ATP13A4: variants seen among roughly 807,000 people sequenced by gnomAD.
ATP13A4 encodes ATPase 13A4, also known as probable cation-transporting ATPase 13A4.
A neutral mutation model predicts 142.5 loss-of-function variants in ATP13A4; 114 were observed. That is an observed-to-expected ratio of 0.80 (90% CI 0.69 to 0.93). The LOEUF (loss-of-function observed/expected upper bound fraction) is 0.93. ATP13A4 is among the 40% of genes least tolerant of loss of function. The pLI is 0.00. For missense variants in ATP13A4, 1,392 were observed against 1,454.0 expected, an observed-to-expected ratio of 0.96 and a Z score of 0.69; for synonymous variants, 488 against 514.8, an observed-to-expected ratio of 0.95 and a Z score of 0.70.
intron 3 of ATP13A4, among the ~76,000 whole-genome samples, chr3:193,494,291 C>T (rs1009441169): frequency 3.3e-5 from 5 of 152,038 alleles, no homozygotes; most frequent in Admixed American, 3.3e-4. Context: ...CTAATAGACA[C>T]TTACAGAACA....
chr3:193,484,107 G>T, intron 7 of ATP13A4, 102 bp from the exon 8 acceptor site: 1 of 993,544 alleles, frequency 1.0e-6, no homozygotes. Flanking sequence ...CTGTCTTACT[G>T]CCAGTTGAAT....
intron 5 of ATP13A4, among the ~76,000 whole-genome samples, chr3:193,492,701 G>A (rs1219341067): frequency 6.6e-6 from 1 of 152,084 alleles, no homozygotes; most frequent in Non-Finnish European, 1.5e-5. Flanking sequence ...CATTTGTTGT[G>A]TGGAAATGGT....
intron 1 of ATP13A4, among the ~76,000 whole-genome samples, chr3:193,527,732 C>T (rs2108698352): frequency 6.6e-6 from 1 of 152,206 alleles, no homozygotes; most frequent in Non-Finnish European, 1.5e-5. Flanking sequence ...CCTCCCCAGC[C>T]ATGTGGAGCT....
chr3:193,578,969 A>G, intron 2 of ATP13A4: 1 of 214,678 alleles, frequency 4.7e-6, no homozygotes, highest in Non-Finnish European at 9.9e-6. Flanking sequence ...GTCAACTCCA[A>G]CAATTAGTTT....
chr3:193,506,045 T>TG (rs1720845091), intron 2 of ATP13A4, among the ~76,000 whole-genome samples: 2 of 152,214 alleles, frequency 1.3e-5, no homozygotes, highest in South Asian at 4.1e-4. Context: ...TATGGCTCTG[T>TG]GCCTCATTTT....
In ATP13A4 at chr3:193,452,760, T is replaced by G. The variant is rs150379275; in HGVS notation, c.2027+1341A>C. On this transcript the variant is annotated intron_variant, in intron 17 of 29. Transcript: ENST00000342695. ...TTATACTGTATATATTTTACTATTA[T>G]TATAGAATATACTGTACTATTATTA... 2.1e-3 allele frequency among the ~76,000 whole-genome samples: 302 copies of G among 143,426 alleles called. 1 individual carries two copies. Among genetic ancestry groups the G allele is most frequent in the African/African-American group, 7.6e-3 (295 of 38,848 alleles). The allele number at this position is 143,426 out of a possible 152,430, so 94.1% of individuals were successfully genotyped here.
chr3:193,408,840 C>T (rs1432480080), intron 28 of ATP13A4, among the ~76,000 whole-genome samples: 2 of 152,176 alleles, frequency 1.3e-5, no homozygotes, highest in Non-Finnish European at 2.9e-5. Context: ...GATGCCTCTC[C>T]CCACTTCCTC....
At chr3:193,554,640 T>C in intron 1 of ATP13A4, 100 bp downstream of exon 1, 2 of 1,416,392 alleles carry the variant, frequency 1.4e-6, no homozygotes, top group Non-Finnish European at 2.0e-6. Context: ...AGTCTGTGTG[T>C]GTGTGATGCG....
chr3:193,467,260 A>G, intron 10 of ATP13A4, 56 bp downstream of exon 10: 1 of 1,583,470 alleles, frequency 6.3e-7, no homozygotes, highest in Non-Finnish European at 8.7e-7. Context: ...TTAAGGCACT[A>G]GACAAACTGG....
chr3:193,546,536 T>C (rs1723237099), intron 1 of ATP13A4, among the ~76,000 whole-genome samples: 1 of 152,190 alleles, frequency 6.6e-6, no homozygotes, highest in East Asian at 1.9e-4. Flanking sequence ...TTTGGTAACA[T>C]TATCTCCACC....
chr3:193,404,962 C>T (rs1412949212), intron 29 of ATP13A4, among the ~76,000 whole-genome samples: 1 of 152,112 alleles, frequency 6.6e-6, no homozygotes, highest in Non-Finnish European at 1.5e-5. Flanking sequence ...AAGGTGGGGG[C>T]AATTAAAGCT....
Position 193,399,601 on chromosome 3 carries a change from C to A in ATP13A4, c.*3051G>T, listed in dbSNP as rs1714197938. The stretch of plus-strand genomic sequence containing the variant: ...TGGTGGCTCATGTCTGTAATCCCGG[C>A]ACTTTGGGAGGCCGAGGCGGGCGGA... On this transcript the variant is annotated 3_prime_UTR_variant, in exon 30 of 30. Coordinates refer to ENST00000342695, the MANE Select transcript of ATP13A4 (RefSeq NM_032279.4). Among the ~76,000 whole-genome samples, 1 of 152,106 alleles carries A rather than the reference C, an allele frequency of 6.6e-6. No homozygotes were observed. The highest frequency in any genetic ancestry group is 2.4e-5 in the African/African-American group (1 of 41,410).
intron 26 of ATP13A4, among the ~76,000 whole-genome samples, chr3:193,413,512 T>C (rs1004644831): frequency 2.6e-5 from 4 of 152,200 alleles, no homozygotes; most frequent in African/African-American, 9.7e-5. Context: ...AGCCTATAAA[T>C]GGACATGCAA....
intron 8 of ATP13A4, among the ~76,000 whole-genome samples, chr3:193,483,467 G>A (rs1010285682): frequency 3.3e-5 from 5 of 151,996 alleles, no homozygotes; most frequent in African/African-American, 1.2e-4. Context: ...TGTTTGTTTT[G>A]TTTTGTTTTG....
intron 1 of ATP13A4, among the ~76,000 whole-genome samples, chr3:193,550,115 A>T (rs1470829276): frequency 2.6e-5 from 4 of 152,176 alleles, no homozygotes; most frequent in Non-Finnish European, 5.9e-5. Context: ...AAATAGCACC[A>T]ACATTATTTA....
intron 2 of ATP13A4, among the ~76,000 whole-genome samples, chr3:193,577,181 T>C (rs1008085508): frequency 6.6e-6 from 1 of 152,232 alleles, no homozygotes; most frequent in East Asian, 1.9e-4. Flanking sequence ...TTATGGTGCT[T>C]TCCTTCAAAG....
intron 1 of ATP13A4, among the ~76,000 whole-genome samples, chr3:193,520,688 CA>C (rs981333648): frequency 2.5e-4 from 38 of 150,364 alleles, no homozygotes; most frequent in African/African-American, 8.8e-4. Flanking sequence ...TACTACTTTG[CA>C]AAAAAAAATT....
intron 2 of ATP13A4, among the ~76,000 whole-genome samples, chr3:193,510,442 T>G (rs1189667277): frequency 6.6e-6 from 1 of 152,192 alleles, no homozygotes; most frequent in Non-Finnish European, 1.5e-5. Context: ...GGGGAAAATG[T>G]GTTTGTAATT....
At position 193,489,856 on chromosome 3, in the gene ATP13A4, A is replaced by T; in HGVS notation, c.612T>A (p.Asn204Lys). The change falls in exon 7 of 30, where the codon AAT becomes AAA. Residue 204 changes from asparagine (N) to lysine (K), a missense_variant. By Grantham distance (94) the Asn-to-Lys change is moderately conservative. Transcript: ENST00000342695. The stretch of plus-strand genomic sequence containing the variant: ...TGAAGAGTTGAAATATATAAAATGG[A>T]TTTAGAACCTGTTGGCAGACATAAA... Reference protein sequence around the residue: ...IWKLLIKEVLNPFYIFQLFSV... With the variant: ...IWKLLIKEVLKPFYIFQLFSV... The T allele has an allele frequency of 6.2e-7, 1 of 1,613,010 alleles. No individual in the cohort carries two copies. Among genetic ancestry groups the T allele is most frequent in the Non-Finnish European group, 8.5e-7 (1 of 1,179,222 alleles).
Sources: allele counts gnomAD v4.1 joint callset (sites outside exome capture counted in the v4.1 genomes callset), GRCh38; gene constraint gnomAD v4.1.1; transcripts MANE v1.5; gene names NCBI Gene and HGNC (gene_info 2026-07-23, HGNC 2026-07-21).